The following NPHP4 variants were observed in gnomAD, a reference collection of about 807,000 sequenced individuals.
NPHP4 encodes the protein nephrocystin 4, also known as nephrocystin-4.
In NPHP4, 151 loss-of-function variants were observed where a neutral mutation model predicts 155.8. The ratio of observed to expected loss-of-function variants is 0.97; its 90% CI spans 0.85 to 1.11. The LOEUF is 1.11. NPHP4 is among the 50% of genes least tolerant of loss of function. NPHP4 has a pLI of 0.00. For synonymous variants in NPHP4, 845 were observed against 816.8 expected, an observed-to-expected ratio of 1.03 and a Z score of -0.59; for missense variants, 1,956 against 1,925.7, an observed-to-expected ratio of 1.02 and a Z score of -0.29.
At chr1:5,973,060 T>C (rs1652879004) in intron 3 of NPHP4, among the ~76,000 whole-genome samples, 1 of 152,174 alleles carries the variant, frequency 6.6e-6, no homozygotes, top group Non-Finnish European at 1.5e-5. Context: ...AATCTTTAAA[T>C]TTTTAGTAGA....
At chr1:5,894,932 C>G (rs969963105) in intron 16 of NPHP4, among the ~76,000 whole-genome samples, 3 of 152,186 alleles carry the variant, frequency 2.0e-5, no homozygotes, top group African/African-American at 7.2e-5. Flanking sequence ...TGGAACCAAC[C>G]CAAATGTCCA....
intron 16 of NPHP4, among the ~76,000 whole-genome samples, chr1:5,901,456 T>C (rs1644677229): frequency 6.6e-6 from 1 of 152,370 alleles, no homozygotes; most frequent in Admixed American, 6.5e-5. Flanking sequence ...GGTGGGGTTT[T>C]TTTGGACTTC....
intron 9 of NPHP4, among the ~76,000 whole-genome samples, chr1:5,938,716 G>A (rs1402935059): frequency 2.0e-5 from 3 of 152,184 alleles, no homozygotes; most frequent in African/African-American, 4.8e-5. Context: ...TTACATAAAC[G>A]TGCTCTTTGA....
At position 5,864,501 on chromosome 1, in the gene NPHP4, A is replaced by G. The variant is rs369466309; in HGVS notation, c.3833T>C (p.Val1278Ala). Reference sequence around the variant, plus strand: ...CACCCCACGAGGCGGCAGCACGAAGACACCTTTGGGGTCTGTCTTCAAGAG... The same window carrying G: ...CACCCCACGAGGCGGCAGCACGAAGGCACCTTTGGGGTCTGTCTTCAAGAG... ...PQELKTDPKG[V>A]FVLPPRGVQD... Residue 1278 changes from valine to alanine, a missense_variant, in exon 28 of 30, where the codon GTC becomes GCC. Transcript: ENST00000378156. 1.0e-5 allele frequency: 16 copies of G among 1,587,342 alleles called. No individual in the cohort carries two copies. The highest frequency in any genetic ancestry group is 1.4e-5 in the Non-Finnish European group (16 of 1,165,808).
intron 19 of NPHP4, chr1:5,879,775 GCGCACACACACACACACA>G (rs1158459577): frequency 9.1e-6 from 3 of 328,264 alleles, no homozygotes; most frequent in Non-Finnish European, 1.7e-5. Context: ...CACGAATGGT[GCGCACACACACACACACA>G]CGCAAACACA....
At chr1:5,986,643 GA>G (rs1359843070) in intron 1 of NPHP4, among the ~76,000 whole-genome samples, 2 of 152,144 alleles carry the variant, frequency 1.3e-5, no homozygotes, top group African/African-American at 4.8e-5. Context: ...AACATGGGAT[GA>G]TTCACTTTTC....
At chr1:5,991,077 G>A (rs1303563001) in intron 1 of NPHP4, among the ~76,000 whole-genome samples, 1 of 152,160 alleles carries the variant, frequency 6.6e-6, no homozygotes, top group African/African-American at 2.4e-5. Flanking sequence ...CAGGGGGTGG[G>A]AGGCGCTGTC....
chr1:5,894,516 G>A (rs1300704734), intron 16 of NPHP4, among the ~76,000 whole-genome samples: 2 of 151,328 alleles, frequency 1.3e-5, no homozygotes, highest in Admixed American at 1.3e-4. Flanking sequence ...ATAACTTTCT[G>A]TCAAAGGGAA....
rs1440295303 is a variant in NPHP4 at position 5,867,298 on chromosome 1, T to G, written c.3473-183A>C. The G allele has an allele frequency of 1.7e-6, 1 of 590,598 alleles. No homozygotes were observed. Among genetic ancestry groups the G allele is most frequent in the Non-Finnish European group, 3.0e-6 (1 of 330,990 alleles). The allele number at this position is 590,598 out of a possible 1,614,324, so 36.6% of individuals were successfully genotyped here. On this transcript the variant is annotated intron_variant, in intron 24 of 29. Coordinates refer to ENST00000378156, the MANE Select transcript of NPHP4 (RefSeq NM_015102.5). This position sits in a 1 kb window ranked among gnomAD's most constrained non-coding sequence, Gnocchi z 4.1. ...GCATCCAAGCACTGTGTTCCCTGCA[T>G]GGACACCGCCCATCCAGCCCACTGC...
At chr1:5,931,711 G>A (rs1646282079) in intron 10 of NPHP4, among the ~76,000 whole-genome samples, 1 of 139,352 alleles carries the variant, frequency 7.2e-6, no homozygotes, top group East Asian at 2.1e-4. Context: ...TCCAGCCTGG[G>A]TTACAGAGCA....
intron 3 of NPHP4, 151 bp downstream of exon 3, chr1:5,978,119 G>A (rs1002433792): frequency 4.3e-6 from 3 of 693,838 alleles, no homozygotes; most frequent in Admixed American, 2.9e-5. Context: ...AGCGCTTGCC[G>A]CTAGACTAAG....
chr1:5,941,991 G>A (rs1421423009), intron 9 of NPHP4, among the ~76,000 whole-genome samples: 1 of 152,154 alleles, frequency 6.6e-6, no homozygotes, highest in African/African-American at 2.4e-5. Context: ...ATACCCACGT[G>A]GTCTCAGAGT....
intron 23 of NPHP4, among the ~76,000 whole-genome samples, chr1:5,871,028 G>A (rs1641948176): frequency 6.6e-6 from 1 of 152,232 alleles, no homozygotes; most frequent in Admixed American, 6.5e-5. Flanking sequence ...ACAGAGGACA[G>A]TGGCCTTATT....
chr1:5,880,475 T>C (rs1249250159), intron 18 of NPHP4: 2 of 516,682 alleles, frequency 3.9e-6, no homozygotes, highest in East Asian at 3.3e-5. Flanking sequence ...GCAGCCTCCG[T>C]TTCCTGGTGA....
At chr1:5,969,562 G>C (rs1423806010) in intron 3 of NPHP4, among the ~76,000 whole-genome samples, 1 of 152,146 alleles carries the variant, frequency 6.6e-6, no homozygotes, top group South Asian at 2.1e-4. Flanking sequence ...TCCACCACAA[G>C]AAACACCAAC....
chr1:5,989,389 T>A (rs919306691), intron 1 of NPHP4, among the ~76,000 whole-genome samples: 1 of 152,134 alleles, frequency 6.6e-6, no homozygotes, highest in African/African-American at 2.4e-5. Flanking sequence ...AAGGGCCATC[T>A]CCCCCAGGAG....
At chr1:5,971,274 C>G (rs945097209) in intron 3 of NPHP4, among the ~76,000 whole-genome samples, 1 of 152,206 alleles carries the variant, frequency 6.6e-6, no homozygotes, top group Non-Finnish European at 1.5e-5. Flanking sequence ...ACAACAGCAA[C>G]AGAGCCCCAG....
chr1:5,967,986 G>A (rs1316043120), intron 4 of NPHP4, among the ~76,000 whole-genome samples: 1 of 152,064 alleles, frequency 6.6e-6, no homozygotes, highest in African/African-American at 2.4e-5. Context: ...CCACCCGTAT[G>A]CCCGGCTCCT....
At chr1:5,863,627 T>C (rs1195327060) in intron 29 of NPHP4, 4 of 623,958 alleles carry the variant, frequency 6.4e-6, no homozygotes, top group Non-Finnish European at 1.1e-5. Flanking sequence ...GGCACACTTA[T>C]TTCCGAGACT....
Sources: gnomAD v4.1 joint callset for allele counts (sites outside exome capture counted in the v4.1 genomes callset) on GRCh38, gnomAD v4.1.1 for gene constraint, Gnocchi (gnomAD v3.1) non-coding constraint, MANE v1.5 for transcripts, NCBI Gene and HGNC (gene_info 2026-07-23, HGNC 2026-07-21) for gene names.